The following PTPN12 variants were observed in gnomAD, a reference collection of about 807,000 sequenced individuals.
PTPN12 encodes the protein protein tyrosine phosphatase non-receptor type 12.
In PTPN12, 29 loss-of-function variants were observed where a neutral mutation model predicts 97.6. That is an observed-to-expected ratio of 0.30 (90% CI 0.22 to 0.41). PTPN12 has a LOEUF of 0.41. PTPN12 is among the 10% of genes least tolerant of loss of function. The pLI is 1.00. For missense variants in PTPN12, 819 were observed against 926.0 expected (o/e 0.88, Z 1.50); for synonymous variants, 327 against 300.4 (o/e 1.09, Z -0.91).
Position 77,567,179 on chromosome 7 carries a change from A to C in PTPN12, c.100-3899A>C, listed in dbSNP as rs552961101. On this transcript the variant is annotated intron_variant, in intron 1 of 17. Coordinates refer to ENST00000248594, the MANE Select transcript of PTPN12 (RefSeq NM_002835.4). ...ACTTCTATTCAGGAACTATTTAGACATTAATGTTGATGTGTTAAAAAAAAA... is the reference window on the plus strand; with the variant it reads ...ACTTCTATTCAGGAACTATTTAGACCTTAATGTTGATGTGTTAAAAAAAAA... Among the ~76,000 whole-genome samples the C allele has an allele frequency of 2.0e-5, 3 of 148,468 alleles. No individual in the cohort carries two copies. The Admixed American group carries it at 2.0e-4, about 10-fold the overall frequency.
chr7:77,577,856 C>A (rs1044847734), intron 2 of PTPN12, among the ~76,000 whole-genome samples: 3 of 152,054 alleles, frequency 2.0e-5, no homozygotes, highest in Non-Finnish European at 4.4e-5. Context: ...TGTAGTACTC[C>A]AGAAATCTTG....
chr7:77,623,485 C>T (rs752553665), intron 12 of PTPN12, among the ~76,000 whole-genome samples: 3 of 152,038 alleles, frequency 2.0e-5, no homozygotes, highest in Admixed American at 6.6e-5. Context: ...CTGAGGAGGG[C>T]GGATCACTTG....
At chr7:77,546,523 T>G (rs2151296992) in intron 1 of PTPN12, among the ~76,000 whole-genome samples, 1 of 152,370 alleles carries the variant, frequency 6.6e-6, no homozygotes, top group African/African-American at 2.4e-5. Flanking sequence ...ATCTCCTTCC[T>G]TCTGAAATCA....
intron 5 of PTPN12, among the ~76,000 whole-genome samples, chr7:77,587,144 CAGA>C (rs1787716511): frequency 1.3e-5 from 2 of 152,036 alleles, no homozygotes; most frequent in South Asian, 2.1e-4. Flanking sequence ...GAATCCTTTC[CAGA>C]AGGTTTTCAG....
At chr7:77,566,419 C>CT (rs939674827) in intron 1 of PTPN12, among the ~76,000 whole-genome samples, 1 of 152,006 alleles carries the variant, frequency 6.6e-6, no homozygotes, top group Non-Finnish European at 1.5e-5. Context: ...ATTTATGTGA[C>CT]TTTTTAAAGA....
At chr7:77,611,635 G>A (rs1788572714) in intron 11 of PTPN12, among the ~76,000 whole-genome samples, 1 of 152,182 alleles carries the variant, frequency 6.6e-6, no homozygotes, top group Non-Finnish European at 1.5e-5. Context: ...AGTAGAGACG[G>A]AGTTTCGCCA....
intron 1 of PTPN12, among the ~76,000 whole-genome samples, chr7:77,549,782 A>G (rs1391167616): frequency 1.3e-5 from 2 of 151,896 alleles, no homozygotes; most frequent in Admixed American, 6.6e-5. Context: ...AGGTCTTACT[A>G]TGTTGCCCAG....
intron 1 of PTPN12, chr7:77,538,787 C>T (rs1029614453): frequency 6.6e-6 from 1 of 151,782 alleles, no homozygotes; most frequent in Non-Finnish European, 1.5e-5. Context: ...GCTTAGGAGG[C>T]GGTGGTTGCG....
At chr7:77,541,075 G>C (rs910908980) in intron 1 of PTPN12, among the ~76,000 whole-genome samples, 1 of 151,954 alleles carries the variant, frequency 6.6e-6, no homozygotes, top group Admixed American at 6.6e-5. Context: ...ATATTTTTTG[G>C]TTTTGTTTTG....
chr7:77,612,627 G>A (rs1384714065), intron 11 of PTPN12, among the ~76,000 whole-genome samples: 1 of 151,686 alleles, frequency 6.6e-6, no homozygotes, highest in Non-Finnish European at 1.5e-5. Flanking sequence ...TAATAGAGAC[G>A]GAGTTTGTCC....
intron 1 of PTPN12, among the ~76,000 whole-genome samples, chr7:77,540,243 C>T (rs3793175): frequency 0.69 from 96,109 of 139,610 alleles, 33,989 homozygotes; most frequent in East Asian, 0.9. Context: ...TTCTTTCTTT[C>T]TTTTTTTTTT....
chr7:77,559,981 A>G (rs546948747), intron 1 of PTPN12, among the ~76,000 whole-genome samples: 2 of 152,342 alleles, frequency 1.3e-5, no homozygotes, highest in South Asian at 4.1e-4. Context: ...ATGTTTTTGG[A>G]ATATATGCCT....
chr7:77,556,063 G>T (rs1011676435), intron 1 of PTPN12, among the ~76,000 whole-genome samples: 1 of 151,722 alleles, frequency 6.6e-6, no homozygotes, highest in Non-Finnish European at 1.5e-5. Context: ...TTGTTTGTTT[G>T]TTTGTTTGTT....
chr7:77,624,050 T>C (rs1420641036), intron 12 of PTPN12, among the ~76,000 whole-genome samples: 3 of 152,062 alleles, frequency 2.0e-5, no homozygotes, highest in African/African-American at 4.8e-5. Context: ...TGCTTAAGTT[T>C]AGGAGTTTGA....
intron 1 of PTPN12, among the ~76,000 whole-genome samples, chr7:77,538,370 C>G (rs1806768178): frequency 6.6e-6 from 1 of 151,680 alleles, no homozygotes; most frequent in Non-Finnish European, 1.5e-5. Flanking sequence ...CTGAAGGAAG[C>G]CAGCCGACTT....
At chr7:77,568,061 CT>C (rs549817761) in intron 1 of PTPN12, among the ~76,000 whole-genome samples, 188 of 152,204 alleles carry the variant, frequency 1.2e-3, no homozygotes, top group African/African-American at 4.3e-3. Flanking sequence ...TTATGGACCA[CT>C]TTTGTATCTC....
Position 77,573,087 on chromosome 7 carries a change from A to AACAAAAC in PTPN12, c.208+1902_208+1903insCAAAACA, listed in dbSNP as rs1787205822. On this transcript the variant is annotated intron_variant, in intron 2 of 17. Coordinates refer to ENST00000248594, the MANE Select transcript of PTPN12 (RefSeq NM_002835.4). ...GACAGAGTAAGACTCTATCTCAAAA[A>AACAAAAC]AAAAAAAAACAAAAAAACAAAAAAA... Among the ~76,000 whole-genome samples the AACAAAAC allele has an allele frequency of 2.8e-5, 3 of 106,644 alleles. No homozygotes were observed. The East Asian group carries it at 1.7e-3, about 60-fold the overall frequency. The allele number at this position is 106,644 out of a possible 152,430, so 70.0% of individuals were successfully genotyped here. A position where few individuals can be genotyped will look rare whatever the true frequency, so the allele number is the denominator to read the frequency against.
intron 1 of PTPN12, among the ~76,000 whole-genome samples, chr7:77,538,409 C>T (rs913724202): frequency 3.0e-5 from 3 of 99,522 alleles, no homozygotes; most frequent in African/African-American, 1.2e-4. Flanking sequence ...TTGCCGAAGG[C>T]GGAGGGGATG....
chr7:77,559,891 G>A (rs1162518578), intron 1 of PTPN12, among the ~76,000 whole-genome samples: 3 of 152,162 alleles, frequency 2.0e-5, no homozygotes, highest in African/African-American at 7.2e-5. Context: ...GGGTGATGGC[G>A]GCATTGGTAG....
Sources: allele counts gnomAD v4.1 joint callset (sites outside exome capture counted in the v4.1 genomes callset), GRCh38; gene constraint gnomAD v4.1.1; transcripts MANE v1.5; gene names NCBI Gene and HGNC (gene_info 2026-07-23, HGNC 2026-07-21).